The following SMG1 variants were observed in gnomAD, a reference collection of about 807,000 sequenced individuals.
SMG1 encodes SMG1 nonsense mediated mRNA decay associated PI3K related kinase, also known as serine/threonine-protein kinase SMG1.
Under a neutral mutation model 419.9 loss-of-function variants are expected in SMG1, and 22 were observed. That is an observed-to-expected ratio of 0.05 (90% CI 0.04 to 0.07). The LOEUF is 0.07. Among genes scored for constraint, SMG1 ranks in the 10% least tolerant of loss-of-function variants. The pLI, the probability that SMG1 is intolerant of heterozygous loss-of-function variation, is 1.00. For missense variants in SMG1, 3,185 were observed against 4,342.0 expected (o/e 0.73, Z 7.49); for synonymous variants, 1,538 against 1,553.5 (o/e 0.99, Z 0.23).
rs1405127746 is a variant in SMG1 at position 18,891,028 on chromosome 16, C to T, written c.550-107G>A. ...CCCTCCAAATTCTAATTCAACAGTA[C>T]TTTAGTTTCTTTATTATTCCCACTC... On this transcript the variant is annotated intron_variant, in intron 4 of 62. Coordinates refer to ENST00000446231, the MANE Select transcript of SMG1 (RefSeq NM_015092.5). 3 of 683,918 alleles carry T rather than the reference C, an allele frequency of 4.4e-6. No homozygotes were observed. The African/African-American group carries it at 5.4e-5, about 12-fold the overall frequency. 42.4% of individuals were successfully genotyped at this position (683,918 alleles called of 1,614,324 possible).
chr16:18,869,469 C>A lies in SMG1; in HGVS notation c.2634-166G>T, dbSNP rs531487080. On this transcript the variant is annotated intron_variant, in intron 19 of 62. Coordinates refer to ENST00000446231, the MANE Select transcript of SMG1 (RefSeq NM_015092.5). ...TGTGTCCCCCCTCTCATTTTGAGGT[C>A]TTTTATAGTTAACAGGTTGAGGTAC... Among the ~76,000 whole-genome samples the A allele has an allele frequency of 2.4e-4, 37 of 152,174 alleles. No homozygotes were observed. The South Asian group carries it at 7.5e-3, about 31-fold the overall frequency.
intron 30 of SMG1, 87 bp from the exon 31 acceptor site, chr16:18,853,954 T>C (rs1011511874): frequency 2.1e-5 from 25 of 1,198,730 alleles, no homozygotes; most frequent in Non-Finnish European, 2.8e-5. Context: ...AATATCAACA[T>C]GGTGATGACA....
intron 1 of SMG1, among the ~76,000 whole-genome samples, chr16:18,908,263 G>A (rs1006152624): frequency 6.6e-6 from 1 of 151,650 alleles, no homozygotes; most frequent in African/African-American, 2.4e-5. Context: ...AGCTACTCGG[G>A]AGGCTGAGGC....
intron 55 of SMG1, 112 bp from the exon 56 acceptor site, chr16:18,819,766 T>C: frequency 9.0e-7 from 1 of 1,114,302 alleles, no homozygotes; most frequent in South Asian, 2.0e-5. Flanking sequence ...TGGACACATG[T>C]AATTTAGAAA....
At chr16:18,852,557 T>C in intron 31 of SMG1, 95 bp from the exon 32 acceptor site, 2 of 1,126,102 alleles carry the variant, frequency 1.8e-6, no homozygotes, top group Non-Finnish European at 1.2e-6. Flanking sequence ...ATTTTAGGTT[T>C]TTATCTGCAA....
At chr16:18,834,061 A>C (rs916762240) in intron 50 of SMG1, 143 bp downstream of exon 50, 1 of 659,116 alleles carries the variant, frequency 1.5e-6, no homozygotes, top group African/African-American at 1.8e-5. Flanking sequence ...TTATAGCTAT[A>C]AATCTCACAA....
At chr16:18,839,640 G>C in intron 42 of SMG1, 58 bp downstream of exon 42, 1 of 1,595,490 alleles carries the variant, frequency 6.3e-7, no homozygotes, top group Non-Finnish European at 8.6e-7. Flanking sequence ...AGATAGGCAA[G>C]AAGGTAGCAG....
Position 18,847,457 on chromosome 16 carries a change from G to C in SMG1, c.5992C>G (p.Arg1998Gly). 1 of 1,613,984 alleles carries C rather than the reference G, an allele frequency of 6.2e-7. No individual in the cohort carries two copies. Among genetic ancestry groups the C allele is most frequent in the Non-Finnish European group, 8.5e-7 (1 of 1,179,848 alleles). The change falls in exon 38 of 63, where the codon CGC (arginine) becomes GGC (glycine). Residue 1998 changes from arginine (R) to glycine (G), a missense_variant. By Grantham distance (125) the Arg-to-Gly change is moderately radical (BLOSUM62 -2). Coordinates refer to ENST00000446231, the MANE Select transcript of SMG1 (RefSeq NM_015092.5). ...VKRVQNNNTL[R>G]KEEKIAIMRE... ...GACAAGTGTATGGAAACATACTTGC[G>C]TAAGGTGTTGTTGTTCTGGACTCTC... is the stretch of plus-strand genomic sequence containing the variant.
intron 56 of SMG1, 60 bp from the exon 57 acceptor site, chr16:18,817,530 G>A: frequency 2.3e-6 from 3 of 1,326,348 alleles, no homozygotes; most frequent in Non-Finnish European, 3.1e-6. Context: ...AAGGGAGGTG[G>A]CAATTAATAA....
chr16:18,819,139 C>T (rs117220404), intron 56 of SMG1, among the ~76,000 whole-genome samples: 2 of 152,188 alleles, frequency 1.3e-5, no homozygotes, highest in South Asian at 2.1e-4. Flanking sequence ...GGTCTTAAGA[C>T]GTTTTATTGT....
Position 18,808,101 on chromosome 16 carries a change from C to G in SMG1, c.*1468G>C, listed in dbSNP as rs1345495065. The G allele has an allele frequency of 6.6e-6, 1 of 152,152 alleles. No homozygotes were observed. The highest frequency in any genetic ancestry group is 2.4e-5 in the African/African-American group (1 of 41,422). 9.4% of individuals were successfully genotyped at this position (152,152 alleles called of 1,614,324 possible). A position where few individuals can be genotyped will look rare whatever the true frequency, so the allele number is the denominator to read the frequency against. On this transcript the variant is annotated 3_prime_UTR_variant, in exon 63 of 63. Transcript: ENST00000446231. ...AATTGTGTTCTATTTTGTATTGATA[C>G]TTGATTTTAAGAACCCTATTCTAGT... is the stretch of plus-strand genomic sequence containing the variant.
chr16:18,905,979 C>T (rs1215657002), intron 1 of SMG1, among the ~76,000 whole-genome samples: 1 of 152,010 alleles, frequency 6.6e-6, no homozygotes, highest in Non-Finnish European at 1.5e-5. Context: ...TTGCCTATAC[C>T]CTTAACTCTT....
chr16:18,847,643 A>G, intron 37 of SMG1, 36 bp from the exon 38 acceptor site: 6 of 1,613,194 alleles, frequency 3.7e-6, no homozygotes, highest in African/African-American at 1.3e-5. Context: ...CTCATCTACA[A>G]GCCTATGCAC....
At chr16:18,814,622 TG>T (rs890213171) in intron 60 of SMG1, among the ~76,000 whole-genome samples, 8 of 151,820 alleles carry the variant, frequency 5.3e-5, no homozygotes, top group Admixed American at 4.6e-4. Flanking sequence ...TCACCCAGCC[TG>T]GAGTGCAGTG....
At chr16:18,878,296 C>T (rs1216818144) in intron 11 of SMG1, 3 of 105,104 alleles carry the variant, frequency 2.9e-5, no homozygotes. Context: ...GACTCCGTCT[C>T]AACAAAAAAA....
Position 18,850,544 on chromosome 16 carries a change from T to TA in SMG1, c.5053-78dup. 3.0e-6 allele frequency: 3 copies of TA among 983,926 alleles called. No individual in the cohort carries two copies. The South Asian group carries it at 4.8e-5, about 16-fold the overall frequency. The allele number at this position is 983,926 out of a possible 1,614,324, so 60.9% of individuals were successfully genotyped here. ...AAAAAGGTATGTAATTTGACTATCA[T>TA]AAAAAATTCTTCTCATATATAAAAG... On this transcript the variant is annotated intron_variant, in intron 33 of 62. Coordinates refer to ENST00000446231, the MANE Select transcript of SMG1 (RefSeq NM_015092.5).
intron 1 of SMG1, among the ~76,000 whole-genome samples, chr16:18,913,044 C>T (rs1337564259): frequency 2.0e-5 from 3 of 152,044 alleles, no homozygotes; most frequent in Non-Finnish European, 4.4e-5. Context: ...ATCTCTGGAT[C>T]TTTTTACTCA....
chr16:18,835,181 G>A lies in SMG1; in HGVS notation c.8058-17C>T. On this transcript the variant is annotated splice_polypyrimidine_tract_variant and intron_variant, in intron 48 of 62. Coordinates refer to ENST00000446231, the MANE Select transcript of SMG1 (RefSeq NM_015092.5). ...ATTTCATATCTATAAAAATAAGGAA[G>A]AGGTGCTTGTTTATAACACAACCAC... 5 of 1,595,816 alleles carry A rather than the reference G, an allele frequency of 3.1e-6. No individual in the cohort carries two copies. The highest frequency in any genetic ancestry group is 4.3e-6 in the Non-Finnish European group (5 of 1,166,670).
chr16:18,910,482 G>C (rs950361622), intron 1 of SMG1, among the ~76,000 whole-genome samples: 1 of 150,092 alleles, frequency 6.7e-6, no homozygotes, highest in African/African-American at 2.5e-5. Flanking sequence ...TGACAGCCTC[G>C]GACTCCCAAA....
Sources: gnomAD v4.1 joint callset for allele counts (sites outside exome capture counted in the v4.1 genomes callset) on GRCh38, gnomAD v4.1.1 for gene constraint, MANE v1.5 for transcripts, NCBI Gene and HGNC (gene_info 2026-07-23, HGNC 2026-07-21) for gene names.